Variants in MYO9A observed in about 807,000 individuals in gnomAD.
MYO9A encodes myosin IXA, also known as unconventional myosin-IXa.
A neutral mutation model predicts 293.3 loss-of-function variants in MYO9A; 103 were observed. The ratio of observed to expected loss-of-function variants is 0.35; its 90% CI spans 0.30 to 0.41. MYO9A has a LOEUF of 0.41. Ranked by LOEUF, MYO9A falls within the 10% of genes least tolerant of loss-of-function variation. The pLI is 1.00. For missense variants in MYO9A, 2,685 were observed against 3,033.0 expected (o/e 0.89, Z 2.69); for synonymous variants, 1,001 against 1,035.7 (o/e 0.97, Z 0.64).
At chr15:71,994,902 T>C (rs1171121822) in intron 9 of MYO9A, among the ~76,000 whole-genome samples, 1 of 152,146 alleles carries the variant, frequency 6.6e-6, no homozygotes, top group East Asian at 1.9e-4. Context: ...CTGGCTAATT[T>C]TGTATTTTTA....
Position 71,947,267 on chromosome 15 carries a change from C to A in MYO9A, c.2302+4510G>T, listed in dbSNP as rs566993845. Among the ~76,000 whole-genome samples the A allele has an allele frequency of 5.1e-5, 7 of 136,906 alleles. No individual in the cohort carries two copies. In the East Asian group the frequency reaches 1.0e-3, roughly 20 times the overall value. The allele number at this position is 136,906 out of a possible 152,430, so 89.8% of individuals were successfully genotyped here. A position where few individuals can be genotyped will look rare whatever the true frequency, so the allele number is the denominator to read the frequency against. On this transcript the variant is annotated intron_variant, in intron 15 of 41. Transcript: ENST00000356056. ...ACTGCACTCCAGCCTGTGTGACAAG[C>A]CAGACTCCATCTCAGGAAAAAAAAA...
chr15:71,899,593 A>G, intron 24 of MYO9A, 94 bp downstream of exon 24: 1 of 1,119,748 alleles, frequency 8.9e-7, no homozygotes, highest in Non-Finnish European at 1.3e-6. Context: ...TATACAACCA[A>G]TTCTAATACA....
At chr15:71,958,698 G>C (rs1422083076) in intron 14 of MYO9A, 1 of 152,118 alleles carries the variant, frequency 6.6e-6, no homozygotes, top group East Asian at 1.9e-4. Flanking sequence ...TTTTCAAAAA[G>C]AGATTATTAT....
intron 14 of MYO9A, among the ~76,000 whole-genome samples, chr15:71,957,261 G>T (rs2059224401): frequency 1.3e-5 from 2 of 152,034 alleles, no homozygotes; most frequent in African/African-American, 4.8e-5. Context: ...CTGATATTCA[G>T]CCTTTTGTCT....
At chr15:71,991,554 A>G (rs1393118921) in intron 10 of MYO9A, among the ~76,000 whole-genome samples, 1 of 152,220 alleles carries the variant, frequency 6.6e-6, no homozygotes, top group African/African-American at 2.4e-5. Context: ...AATGGAAAAA[A>G]ACAGAGGGTG....
At chr15:71,936,211 G>A (rs188586782) in intron 16 of MYO9A, among the ~76,000 whole-genome samples, 1 of 152,022 alleles carries the variant, frequency 6.6e-6, no homozygotes, top group African/African-American at 2.4e-5. Context: ...AAATAAGCCA[G>A]ACACAGAAAG....
chr15:72,051,546 C>T (rs1282818300), intron 1 of MYO9A, among the ~76,000 whole-genome samples: 3 of 152,122 alleles, frequency 2.0e-5, no homozygotes, highest in African/African-American at 4.8e-5. Context: ...CCCAGGAAGG[C>T]CCCCCGCCCA....
At chr15:71,907,049 C>T (rs35021156) in intron 19 of MYO9A, among the ~76,000 whole-genome samples, 1 of 147,608 alleles carries the variant, frequency 6.8e-6, no homozygotes, top group South Asian at 2.2e-4. Context: ...CCCACTAACT[C>T]GTCATCTAGC....
intron 6 of MYO9A, among the ~76,000 whole-genome samples, chr15:72,011,005 A>G (rs1364370359): frequency 6.6e-6 from 1 of 151,840 alleles, no homozygotes; most frequent in East Asian, 1.9e-4. Context: ...AGATCTATAT[A>G]GATATGTTAT....
intron 14 of MYO9A, chr15:71,958,568 A>C (rs1200218339): frequency 6.6e-6 from 1 of 152,120 alleles, no homozygotes; most frequent in African/African-American, 2.4e-5. Context: ...GGGTGGCTGG[A>C]ATGTTGTGTT....
chr15:71,874,312 G>A (rs1049875568), intron 32 of MYO9A, among the ~76,000 whole-genome samples: 2 of 152,130 alleles, frequency 1.3e-5, no homozygotes, highest in Admixed American at 1.3e-4. Flanking sequence ...TGGCAGGGTT[G>A]AATCCAGGTT....
At chr15:72,100,068 G>A (rs1334396840) in intron 1 of MYO9A, among the ~76,000 whole-genome samples, 1 of 152,036 alleles carries the variant, frequency 6.6e-6, no homozygotes, top group African/African-American at 2.4e-5. Flanking sequence ...GGGCAGTATA[G>A]CAAGACCCCA....
At chr15:72,051,212 A>C (rs1230017416) in intron 1 of MYO9A, among the ~76,000 whole-genome samples, 1 of 152,164 alleles carries the variant, frequency 6.6e-6, no homozygotes, top group Non-Finnish European at 1.5e-5. Flanking sequence ...CTGTAAGTGC[A>C]TGCCACCGAT....
chr15:71,937,006 GAAGAAGGAAAGC>G (rs923327221), intron 16 of MYO9A, among the ~76,000 whole-genome samples: 2 of 142,338 alleles, frequency 1.4e-5, no homozygotes, highest in African/African-American at 5.1e-5. Flanking sequence ...GCAAGTGAGG[GAAGAAGGAAAGC>G]AGGAAGGAAG....
In MYO9A at chr15:71,946,005, T is replaced by C. The variant is rs181287379; in HGVS notation, c.2302+5772A>G. Among the ~76,000 whole-genome samples, 183 of 152,342 alleles carry C rather than the reference T, an allele frequency of 1.2e-3. No individual in the cohort carries two copies. In the South Asian group the frequency reaches 0.015, roughly 13 times the overall value. ...ACAATCATATGTGGCTTTCTTTTTA[T>C]ATGGTTAACATGGTCAAGCCAACCT... On this transcript the variant is annotated intron_variant, in intron 15 of 41. Transcript: ENST00000356056.
chr15:72,110,604 A>G (rs1476714467), intron 1 of MYO9A, among the ~76,000 whole-genome samples: 1 of 152,220 alleles, frequency 6.6e-6, no homozygotes, highest in Non-Finnish European at 1.5e-5. Context: ...AACAGAACAC[A>G]TTTTGTTATG....
chr15:71,900,043 TA>T, intron 23 of MYO9A, 37 bp from the exon 24 acceptor site: 1 of 1,526,282 alleles, frequency 6.6e-7, no homozygotes, highest in East Asian at 2.3e-5. Flanking sequence ...CTGGTTGTCA[TA>T]TCTTACACTG....
chr15:72,053,155 T>A (rs759936343), intron 1 of MYO9A, among the ~76,000 whole-genome samples: 1 of 152,212 alleles, frequency 6.6e-6, no homozygotes, highest in African/African-American at 2.4e-5. Context: ...ATCCCAGCAC[T>A]TTGGGAGGCC....
chr15:72,083,848 C>CT (rs1419866900), intron 1 of MYO9A, among the ~76,000 whole-genome samples: 1 of 152,178 alleles, frequency 6.6e-6, no homozygotes, highest in Non-Finnish European at 1.5e-5. Context: ...TTTTATTGCA[C>CT]TGTGGCCCAA....
Sources: gnomAD v4.1 joint callset for allele counts (sites outside exome capture counted in the v4.1 genomes callset) on GRCh38, gnomAD v4.1.1 for gene constraint, MANE v1.5 for transcripts, NCBI Gene and HGNC (gene_info 2026-07-23, HGNC 2026-07-21) for gene names.